SCAPER: variants seen among roughly 807,000 people sequenced by gnomAD.
SCAPER encodes the protein S phase cyclin A-associated protein in the endoplasmic reticulum.
In SCAPER, 98 loss-of-function variants were observed where a neutral mutation model predicts 182.2. The ratio of observed to expected loss-of-function variants is 0.54; its 90% CI spans 0.46 to 0.64. The LOEUF is 0.64. Among genes scored for constraint, SCAPER ranks in the 30% least tolerant of loss-of-function variants. The pLI is 0.00. For missense variants in SCAPER, 1,432 were observed against 1,690.0 expected, an observed-to-expected ratio of 0.85 and a Z score of 2.68; for synonymous variants, 605 against 564.6, an observed-to-expected ratio of 1.07 and a Z score of -1.01.
intron 23 of SCAPER, among the ~76,000 whole-genome samples, chr15:76,550,955 A>T (rs968309732): frequency 1.6e-4 from 25 of 152,188 alleles, no homozygotes; most frequent in African/African-American, 5.3e-4. Flanking sequence ...TATAAAAAAA[A>T]TTCTCAACAT....
At chr15:76,643,293 A>G (rs2054249247) in intron 21 of SCAPER, among the ~76,000 whole-genome samples, 1 of 152,214 alleles carries the variant, frequency 6.6e-6, no homozygotes, top group South Asian at 2.1e-4. Context: ...AACACTGTTC[A>G]ATAAGGATCA....
At position 76,354,307 on chromosome 15, in the gene SCAPER, G is replaced by GAA; in HGVS notation, c.3856-169_3856-168dup. The GAA allele has an allele frequency of 6.3e-6, 3 of 475,918 alleles. No homozygotes were observed. Among genetic ancestry groups the GAA allele is most frequent in the Non-Finnish European group, 7.0e-6 (2 of 284,882 alleles). The allele number at this position is 475,918 out of a possible 1,614,324, so 29.5% of individuals were successfully genotyped here. A position where few individuals can be genotyped will look rare whatever the true frequency, so the allele number is the denominator to read the frequency against. ...ATTTAAGTGATACTTGAAAAGAGCAGAAAAAAAAAATCTCATTTCCCAACT... is the reference window on the plus strand; with the variant it reads ...ATTTAAGTGATACTTGAAAAGAGCAGAAAAAAAAAAAATCTCATTTCCCAACT... On this transcript the variant is annotated intron_variant, in intron 29 of 31. Coordinates refer to ENST00000563290, the MANE Select transcript of SCAPER (RefSeq NM_020843.4). This position sits in a 1 kb window ranked among gnomAD's most constrained non-coding sequence, Gnocchi z 4.4.
Position 76,854,311 on chromosome 15 carries a change from A to G in SCAPER, c.195+3498T>C, listed in dbSNP as rs116577920. ...AAAGTCATTAGCATTCTTATACACAACAACAGCCAAGCCGAGAGTCAAATC... is the reference window on the plus strand; with the variant it reads ...AAAGTCATTAGCATTCTTATACACAGCAACAGCCAAGCCGAGAGTCAAATC... On this transcript the variant is annotated intron_variant, in intron 4 of 31. Transcript: ENST00000563290. Among the ~76,000 whole-genome samples the G allele has an allele frequency of 9.1e-3, 1,379 of 152,124 alleles. 21 individuals are homozygous for G. Among genetic ancestry groups the G allele is most frequent in the African/African-American group, 0.032 (1,339 of 41,498 alleles).
At chr15:76,899,361 G>A (rs930251422) in intron 1 of SCAPER, among the ~76,000 whole-genome samples, 4 of 152,196 alleles carry the variant, frequency 2.6e-5, no homozygotes, top group Admixed American at 6.5e-5. Context: ...GATGGGTTTC[G>A]CCATGTTGAC....
chr15:76,699,104 ACATT>A (rs2058795774), intron 20 of SCAPER, among the ~76,000 whole-genome samples: 1 of 152,100 alleles, frequency 6.6e-6, no homozygotes, highest in Admixed American at 6.5e-5. Flanking sequence ...TGATTTTTCT[ACATT>A]CATTTTGTGT....
intron 22 of SCAPER, among the ~76,000 whole-genome samples, chr15:76,581,094 C>G (rs907300765): frequency 1.2e-4 from 19 of 152,034 alleles, no homozygotes; most frequent in African/African-American, 4.6e-4. Context: ...CAAGGCTGAA[C>G]TACGAAGAAA....
intron 4 of SCAPER, among the ~76,000 whole-genome samples, chr15:76,845,463 C>T (rs1449233224): frequency 6.6e-6 from 1 of 151,906 alleles, no homozygotes; most frequent in Non-Finnish European, 1.5e-5. Flanking sequence ...TTTAGAAAAA[C>T]CTAAAGACTC....
At chr15:76,905,241 G>T in intron 1 of SCAPER, 58 bp downstream of exon 1, 1 of 182,192 alleles carries the variant, frequency 5.5e-6, no homozygotes, top group South Asian at 6.8e-5. Flanking sequence ...CAGACGGCCC[G>T]CGCCCCAACC....
intron 15 of SCAPER, among the ~76,000 whole-genome samples, chr15:76,748,751 G>T (rs2061939730): frequency 6.6e-6 from 1 of 151,462 alleles, no homozygotes; most frequent in Non-Finnish European, 1.5e-5. Flanking sequence ...ATGAAAAGAT[G>T]CTCTACAGTA....
intron 29 of SCAPER, 36 bp downstream of exon 29, chr15:76,376,126 G>A: frequency 8.1e-6 from 13 of 1,609,944 alleles, no homozygotes; most frequent in Non-Finnish European, 1.1e-5. Flanking sequence ...CTCAGCACTG[G>A]GGGAGCAGTC....
chr15:76,843,408 G>T (rs1442934414), intron 4 of SCAPER, among the ~76,000 whole-genome samples: 1 of 152,166 alleles, frequency 6.6e-6, no homozygotes, highest in Non-Finnish European at 1.5e-5. Flanking sequence ...TGACAAAACT[G>T]AGGCTCAGAC....
chr15:76,687,074 CTG>C (rs2058074305), intron 20 of SCAPER, among the ~76,000 whole-genome samples: 1 of 151,924 alleles, frequency 6.6e-6, no homozygotes. Flanking sequence ...AAAGTTATGA[CTG>C]TGATGATAAA....
At chr15:76,451,776 A>G (rs2048380466) in intron 25 of SCAPER, among the ~76,000 whole-genome samples, 2 of 152,136 alleles carry the variant, frequency 1.3e-5, no homozygotes, top group South Asian at 4.2e-4. Context: ...TGATATTACT[A>G]TTTTCTTTCA....
chr15:76,563,028 G>C (rs1046742552), intron 23 of SCAPER, among the ~76,000 whole-genome samples: 1 of 152,018 alleles, frequency 6.6e-6, no homozygotes, highest in African/African-American at 2.4e-5. Flanking sequence ...ACTAACATGT[G>C]GTGTTTAGAA....
chr15:76,623,975 C>A (rs552481796), intron 21 of SCAPER, among the ~76,000 whole-genome samples: 6 of 152,182 alleles, frequency 3.9e-5, no homozygotes, highest in African/African-American at 1.4e-4. Context: ...AAGCTGGAAG[C>A]ATTTCCCTGA....
chr15:76,381,308 C>T, intron 28 of SCAPER, 70 bp downstream of exon 28: 1 of 1,284,706 alleles, frequency 7.8e-7, no homozygotes, highest in Non-Finnish European at 1.1e-6. Flanking sequence ...GGAGAAGAAT[C>T]TGACATCCTA....
intron 23 of SCAPER, among the ~76,000 whole-genome samples, chr15:76,551,448 T>C (rs2045762560): frequency 1.3e-5 from 2 of 152,134 alleles, no homozygotes; most frequent in African/African-American, 2.4e-5. Context: ...AAGTGAAATA[T>C]GCCAGGCAGA....
chr15:76,442,340 G>C (rs2047671040), intron 25 of SCAPER, among the ~76,000 whole-genome samples: 1 of 152,040 alleles, frequency 6.6e-6, no homozygotes, highest in South Asian at 2.1e-4. Flanking sequence ...GTCTCTTACT[G>C]GTTTGTCCTA....
At chr15:76,789,527 CAAGAG>C (rs1380385086) in intron 8 of SCAPER, among the ~76,000 whole-genome samples, 1 of 152,028 alleles carries the variant, frequency 6.6e-6, no homozygotes, top group Non-Finnish European at 1.5e-5. Flanking sequence ...TTAAAGCAGT[CAAGAG>C]AGGAGTATAT....
Sources: gnomAD v4.1 joint callset for allele counts (sites outside exome capture counted in the v4.1 genomes callset) on GRCh38, gnomAD v4.1.1 for gene constraint, Gnocchi (gnomAD v3.1) non-coding constraint, MANE v1.5 for transcripts, NCBI Gene and HGNC (gene_info 2026-07-23, HGNC 2026-07-21) for gene names.